PXN: variants seen among roughly 807,000 people sequenced by gnomAD.
PXN encodes paxillin.
PXN carries 61 observed loss-of-function variants against 103.6 expected under a neutral mutation model. That is an observed-to-expected ratio of 0.59 (90% CI 0.48 to 0.73). PXN has a LOEUF of 0.73. Ranked by LOEUF, PXN falls within the 30% of genes least tolerant of loss-of-function variation. The pLI, the probability that PXN is intolerant of heterozygous loss-of-function variation, is 0.00. For synonymous variants in PXN, 562 were observed against 607.8 expected (o/e 0.92, Z 1.11); for missense variants, 1,274 against 1,460.3 (o/e 0.87, Z 2.08).
rs59159546 is a variant in PXN, at chr12:120,224,791, A to C, written c.14-414T>G. The C allele has an allele frequency of 2.2e-6, 1 of 463,666 alleles. No homozygotes were observed. The highest frequency in any genetic ancestry group is 2.0e-5 in the African/African-American group (1 of 50,396). The allele number at this position is 463,666 out of a possible 1,614,324, so 28.7% of individuals were successfully genotyped here. On this transcript the variant is annotated intron_variant, in intron 1 of 14. Transcript: ENST00000637617. The surrounding 1 kb of genome is among the most constrained non-coding windows in gnomAD (Gnocchi z 5.0). Reference sequence around the variant, plus strand: ...CACGTCACAGGGAGGGGCCCTGGCTATGCCAGGCCCTCACTTGATTTCTAA... The same window carrying C: ...CACGTCACAGGGAGGGGCCCTGGCTCTGCCAGGCCCTCACTTGATTTCTAA...
intron 1 of PXN, chr12:120,250,139 C>T (rs1891913830): frequency 1.0e-6 from 1 of 985,700 alleles, no homozygotes; most frequent in African/African-American, 1.7e-5. Context: ...GCCGGCCAGC[C>T]GAGCCAGGAG....
chr12:120,237,860 G>C (rs981017527), intron 1 of PXN, among the ~76,000 whole-genome samples: 25 of 152,164 alleles, frequency 1.6e-4, no homozygotes, highest in Admixed American at 1.6e-3. Flanking sequence ...CCCATGCACA[G>C]AAGCTCCAAG....
Position 120,216,676 on chromosome 12 carries a change from C to T in PXN, c.1993-95G>A, listed in dbSNP as rs1232935656. 2 of 1,583,218 alleles carry T rather than the reference C, an allele frequency of 1.3e-6. No individual in the cohort carries two copies. The highest frequency in any genetic ancestry group is 8.5e-7 in the Non-Finnish European group (1 of 1,175,262). On this transcript the variant is annotated intron_variant, in intron 8 of 14. Transcript: ENST00000637617. The surrounding 1 kb of genome is among the most constrained non-coding windows in gnomAD (Gnocchi z 5.1). The stretch of plus-strand genomic sequence containing the variant: ...CTCCCCAGGCTCCCCCTGGGCCTTC[C>T]CACTCTGCACCAAGAGTGGGGCCAG...
In PXN at chr12:120,224,428, C is replaced by G. The variant is rs777549581; in HGVS notation, c.14-51G>C. Reference sequence around the variant, plus strand: ...GGTGAGAACCGGGATCCTGGGGACTCTCCCGTGGCAGGGCCCTCCCTGCCT... The same window carrying G: ...GGTGAGAACCGGGATCCTGGGGACTGTCCCGTGGCAGGGCCCTCCCTGCCT... On this transcript the variant is annotated intron_variant, in intron 1 of 14. Transcript: ENST00000637617. The surrounding 1 kb of genome is among the most constrained non-coding windows in gnomAD (Gnocchi z 5.0). 6 of 1,402,364 alleles carry G rather than the reference C, an allele frequency of 4.3e-6. No homozygotes were observed. Among genetic ancestry groups the G allele is most frequent in the Non-Finnish European group, 6.1e-6 (6 of 988,642 alleles). 86.9% of individuals were successfully genotyped at this position (1,402,364 alleles called of 1,614,324 possible).
Position 120,217,106 on chromosome 12 carries a change from A to T in PXN, c.1727T>A (p.Val576Glu). ...RISTSGQIRS[V>E]IRRSWESGHA... is the part of the protein sequence containing the mutation. ...GCCAGACTCCCAGCTCCTCCTGATC[A>T]CAGATCGGATCTAGGGGGAGGGGGA... The change falls in exon 8 of 15, where the codon GTG becomes GAG. Residue 576 changes from valine (V) to glutamate (E), a missense_variant. Physicochemically the swap from Val to Glu is moderately radical, Grantham distance 121 (BLOSUM62 -2). Coordinates refer to ENST00000637617, the MANE Select transcript of PXN (RefSeq NM_001385981.1). The surrounding 1 kb of genome is among the most constrained non-coding windows in gnomAD (Gnocchi z 4.1). 1 of 1,587,458 alleles carries T rather than the reference A, an allele frequency of 6.3e-7. No individual in the cohort carries two copies. Among genetic ancestry groups the T allele is most frequent in the Non-Finnish European group, 8.5e-7 (1 of 1,175,332 alleles).
intron 1 of PXN, among the ~76,000 whole-genome samples, chr12:120,246,597 G>A (rs1301800885): frequency 2.7e-5 from 4 of 150,206 alleles, no homozygotes; most frequent in South Asian, 2.1e-4. Context: ...GCTCATGCCT[G>A]TAATCCCAGC....
chr12:120,243,928 G>T (rs1405535909), intron 1 of PXN, among the ~76,000 whole-genome samples: 2 of 151,998 alleles, frequency 1.3e-5, no homozygotes, highest in Non-Finnish European at 2.9e-5. Context: ...ATCTTCATCT[G>T]AGCATTGGGC....
Position 120,230,190 on chromosome 12 carries a change from G to A in PXN, c.14-5813C>T, listed in dbSNP as rs574554220. ...GCCAAAGGAAGGAGCAGCAAGCACC[G>A]CCCTGAAAGCTCCAGCACCAGCAGC... is the stretch of plus-strand genomic sequence containing the variant. On this transcript the variant is annotated intron_variant, in intron 1 of 14. Transcript: ENST00000637617. 2.9e-4 allele frequency among the ~76,000 whole-genome samples: 44 copies of A among 152,312 alleles called. No individual in the cohort carries two copies. The South Asian group carries it at 3.3e-3, about 11-fold the overall frequency.
In PXN at chr12:120,213,872, C is replaced by T. The variant is rs772494174; in HGVS notation, c.2949G>A (p.Thr983=). Residue 983 remains threonine, a synonymous_variant, in exon 14 of 15, where the codon ACG becomes ACA. Transcript: ENST00000637617. The surrounding 1 kb of genome is among the most constrained non-coding windows in gnomAD (Gnocchi z 4.2). ...ILENYISALN[T]LWHPECFVCR... ...ACACAAAGCACTCAGGATGCCACAG[C>T]GTGTTGAGGGCTGAGATATAGTTCT... The T allele has an allele frequency of 6.8e-6, 11 of 1,611,448 alleles. No homozygotes were observed. Among genetic ancestry groups the T allele is most frequent in the South Asian group, 6.6e-5 (6 of 90,444 alleles).
In PXN at chr12:120,224,535, C is replaced by G. The variant is rs1432908822; in HGVS notation, c.14-158G>C. The G allele has an allele frequency of 6.8e-6, 5 of 735,624 alleles. No homozygotes were observed. The highest frequency in any genetic ancestry group is 1.2e-5 in the Non-Finnish European group (5 of 406,108). The allele number at this position is 735,624 out of a possible 1,614,324, so 45.6% of individuals were successfully genotyped here. A position where few individuals can be genotyped will look rare whatever the true frequency, so the allele number is the denominator to read the frequency against. ...GCCTTGGGACAGGAAGCCACCAGCC[C>G]CGACCAGCCTAACCAAGAGCCGGCT... is the stretch of plus-strand genomic sequence containing the variant. On this transcript the variant is annotated intron_variant, in intron 1 of 14. Coordinates refer to ENST00000637617, the MANE Select transcript of PXN (RefSeq NM_001385981.1). This position sits in a 1 kb window ranked among gnomAD's most constrained non-coding sequence, Gnocchi z 5.0.
At chr12:120,231,630 G>T (rs1360788178) in intron 1 of PXN, among the ~76,000 whole-genome samples, 1 of 152,214 alleles carries the variant, frequency 6.6e-6, no homozygotes, top group African/African-American at 2.4e-5. Context: ...GCTTAGGAGG[G>T]TGGCTTCCTG....
At position 120,221,444 on chromosome 12, in the gene PXN, G is replaced by A. The variant is rs1799730254; in HGVS notation, c.831+179C>T. On this transcript the variant is annotated intron_variant, in intron 6 of 14. Coordinates refer to ENST00000637617, the MANE Select transcript of PXN (RefSeq NM_001385981.1). The surrounding 1 kb of genome is among the most constrained non-coding windows in gnomAD (Gnocchi z 6.6). Reference sequence around the variant, plus strand: ...CTGCAATCCTCAGGCAGGCTGACCCGGCCCTCCCTCCCCATCTCCTGGCAT... The same window carrying A: ...CTGCAATCCTCAGGCAGGCTGACCCAGCCCTCCCTCCCCATCTCCTGGCAT... 6.6e-6 allele frequency among the ~76,000 whole-genome samples: 1 copy of A among 151,678 alleles called. No homozygotes were observed. Among genetic ancestry groups the A allele is most frequent in the Admixed American group, 6.6e-5 (1 of 15,252 alleles).
In PXN at chr12:120,221,557, A is replaced by T; in HGVS notation, c.831+66T>A. 1.4e-6 allele frequency: 2 copies of T among 1,480,086 alleles called. No individual in the cohort carries two copies. Among genetic ancestry groups the T allele is most frequent in the African/African-American group, 2.8e-5 (2 of 72,116 alleles). 91.7% of individuals were successfully genotyped at this position (1,480,086 alleles called of 1,614,324 possible). A position where few individuals can be genotyped will look rare whatever the true frequency, so the allele number is the denominator to read the frequency against. Reference sequence around the variant, plus strand: ...TGCCAAGATCCAGCTACCCACACTGAGGTAAGGGAGGAGAAGGATGAGGGA... The same window carrying T: ...TGCCAAGATCCAGCTACCCACACTGTGGTAAGGGAGGAGAAGGATGAGGGA... On this transcript the variant is annotated intron_variant, in intron 6 of 14. Transcript: ENST00000637617. This position sits in a 1 kb window ranked among gnomAD's most constrained non-coding sequence, Gnocchi z 6.6.
rs775357946 is a variant in PXN at position 120,212,831 on chromosome 12, T to C, written c.2980-251A>G. 1 of 401,268 alleles carries C rather than the reference T, an allele frequency of 2.5e-6. No homozygotes were observed. 24.9% of individuals were successfully genotyped at this position (401,268 alleles called of 1,614,324 possible). A position where few individuals can be genotyped will look rare whatever the true frequency, so the allele number is the denominator to read the frequency against. ...TGTGGCCTCCTGCAATCCTCCCACC[T>C]CGGCCTCCCACAGGGCTGGGATTAT... On this transcript the variant is annotated intron_variant, in intron 14 of 14. Transcript: ENST00000637617. This position sits in a 1 kb window ranked among gnomAD's most constrained non-coding sequence, Gnocchi z 7.2.
Position 120,229,383 on chromosome 12 carries a change from G to A in PXN, c.14-5006C>T, listed in dbSNP as rs1887569126. Among the ~76,000 whole-genome samples, 1 of 152,196 alleles carries A rather than the reference G, an allele frequency of 6.6e-6. No homozygotes were observed. The highest frequency in any genetic ancestry group is 2.4e-5 in the African/African-American group (1 of 41,444). On this transcript the variant is annotated intron_variant, in intron 1 of 14. Transcript: ENST00000637617. The surrounding 1 kb of genome is among the most constrained non-coding windows in gnomAD (Gnocchi z 4.0). The stretch of plus-strand genomic sequence containing the variant: ...GCCTGGAGCTGGACAGGTGCCAAGA[G>A]AGAGGAGATAAAAGTCCATCTCTCT...
intron 3 of PXN, among the ~76,000 whole-genome samples, chr12:120,223,215 G>A (rs576724684): frequency 2.6e-4 from 40 of 151,822 alleles, no homozygotes; most frequent in Admixed American, 5.2e-4. Context: ...AGGCTGAGGC[G>A]GGCAGATCAT....
In PXN at chr12:120,213,758, G is replaced by A; in HGVS notation, c.2979+84C>T. ...TAACCCCAAATGAGGCCTCTGAGTTGGATCCAGACAGCACAATGAGGAAGA... is the reference window on the plus strand; with the variant it reads ...TAACCCCAAATGAGGCCTCTGAGTTAGATCCAGACAGCACAATGAGGAAGA... On this transcript the variant is annotated intron_variant, in intron 14 of 14. Coordinates refer to ENST00000637617, the MANE Select transcript of PXN (RefSeq NM_001385981.1). This position sits in a 1 kb window ranked among gnomAD's most constrained non-coding sequence, Gnocchi z 4.2. 6.6e-7 allele frequency: 1 copy of A among 1,510,800 alleles called. No homozygotes were observed. The highest frequency in any genetic ancestry group is 1.4e-5 in the African/African-American group (1 of 72,178). 93.6% of individuals were successfully genotyped at this position (1,510,800 alleles called of 1,614,324 possible).
chr12:120,251,196 C>T (rs914148839), intron 1 of PXN, among the ~76,000 whole-genome samples: 1 of 150,732 alleles, frequency 6.6e-6, no homozygotes, highest in Non-Finnish European at 1.5e-5. Flanking sequence ...CGGAACGAGA[C>T]TCTGTCTCAA....
In PXN at chr12:120,212,920, C is replaced by G. The variant is rs748347159; in HGVS notation, c.2980-340G>C. The G allele has an allele frequency of 4.6e-6, 1 of 217,456 alleles. No individual in the cohort carries two copies. The highest frequency in any genetic ancestry group is 1.1e-4 in the East Asian group (1 of 9,066). 13.5% of individuals were successfully genotyped at this position (217,456 alleles called of 1,614,324 possible). ...GTGAAGTAACTTGCCCAGGGTCATG[C>G]AGCTACTGAGGTCACAGCCTGGATT... On this transcript the variant is annotated intron_variant, in intron 14 of 14. Coordinates refer to ENST00000637617, the MANE Select transcript of PXN (RefSeq NM_001385981.1). The surrounding 1 kb of genome is among the most constrained non-coding windows in gnomAD (Gnocchi z 7.2).
Sources: gnomAD v4.1 joint callset for allele counts (sites outside exome capture counted in the v4.1 genomes callset) on GRCh38, gnomAD v4.1.1 for gene constraint, Gnocchi (gnomAD v3.1) non-coding constraint, MANE v1.5 for transcripts, NCBI Gene and HGNC (gene_info 2026-07-23, HGNC 2026-07-21) for gene names.